Variants in UBN1 observed in about 807,000 individuals in gnomAD.
UBN1 encodes the protein ubinuclein-1.
In UBN1, 17 loss-of-function variants were observed where a neutral mutation model predicts 108.5. The ratio of observed to expected loss-of-function variants is 0.16; its 90% confidence interval spans 0.11 to 0.24. The LOEUF is 0.24. Among genes scored for constraint, UBN1 ranks in the 10% least tolerant of loss-of-function variants. UBN1 has a pLI of 1.00. For synonymous variants in UBN1, 726 were observed against 564.2 expected, an observed-to-expected ratio of 1.29 and a Z score of -4.07; for missense variants, 1,595 against 1,394.4, an observed-to-expected ratio of 1.14 and a Z score of -2.29.
Position 4,858,607 on chromosome 16 carries a change from A to G in UBN1, c.376A>G (p.Ile126Val). ...KRRKDRIQDL[I>V]DMGYGYDESD... ...TAGAAAAGACCGAATACAGGACTTG[A>G]TCGATATGGGGTATGGTTATGATGA... The change falls in exon 4 of 18, where the codon ATC (isoleucine) becomes GTC (valine). Residue 126 changes from isoleucine to valine, a missense_variant. Ile to Val is a conservative substitution (Grantham distance 29). Around this residue, in one of 3 missense-constraint regions of UBN1, gnomAD observed 181 missense variants for 157.3 expected, o/e 1.15. Transcript: ENST00000262376. 6.2e-7 allele frequency: 1 copy of G among 1,614,212 alleles called. No individual in the cohort carries two copies. The highest frequency in any genetic ancestry group is 8.5e-7 in the Non-Finnish European group (1 of 1,180,028).
chr16:4,870,363 C>T, intron 9 of UBN1, 22 bp downstream of exon 9: 1 of 1,613,424 alleles, frequency 6.2e-7, no homozygotes, highest in Non-Finnish European at 8.5e-7. Flanking sequence ...TAGAGTGAAG[C>T]CCTTTGGCTT....
At chr16:4,869,047 G>A (rs2087477923) in intron 8 of UBN1, 144 bp downstream of exon 8, 1 of 770,282 alleles carries the variant, frequency 1.3e-6, no homozygotes, top group Non-Finnish European at 2.0e-6. Context: ...GATTAACATG[G>A]TTTCATTGTT....
chr16:4,848,701 G>T (rs1359653736), intron 1 of UBN1, among the ~76,000 whole-genome samples: 1 of 152,214 alleles, frequency 6.6e-6, no homozygotes, highest in South Asian at 2.1e-4. Context: ...TCTTTAAAGC[G>T]TATTTAAGAT....
chr16:4,878,919 G>A (rs1031335226), intron 17 of UBN1, among the ~76,000 whole-genome samples: 1 of 152,174 alleles, frequency 6.6e-6, no homozygotes, highest in African/African-American at 2.4e-5. Context: ...AGCTGAGGCA[G>A]AAGGATCACT....
intron 7 of UBN1, among the ~76,000 whole-genome samples, chr16:4,862,247 G>C (rs1398405987): frequency 6.6e-6 from 1 of 152,170 alleles, no homozygotes; most frequent in Non-Finnish European, 1.5e-5. Context: ...TTTTAGGGCA[G>C]GGTAAATTGT....
At chr16:4,868,979 A>G in intron 8 of UBN1, 76 bp downstream of exon 8, 2 of 1,499,410 alleles carry the variant, frequency 1.3e-6, no homozygotes, top group African/African-American at 1.4e-5. Context: ...GCTAGGGGAC[A>G]GTGGGAGTAC....
chr16:4,877,439 C>T lies in UBN1; in HGVS notation c.3320C>T (p.Ala1107Val), dbSNP rs765243720. The change falls in exon 17 of 18, where the codon GCT becomes GTT. Residue 1107 changes from alanine (A) to valine (V), a missense_variant. By Grantham distance (64) the Ala-to-Val change is moderately conservative (BLOSUM62 0). Coordinates refer to ENST00000262376, the MANE Select transcript of UBN1 (RefSeq NM_001079514.3). This position sits in a 1 kb window ranked among gnomAD's most constrained non-coding sequence, Gnocchi z 4.3. ...CCCCATGCAGCGCCTCTCCCACACG[C>T]TGCGGTGCCCACCCATATCCCGCAG... is the stretch of plus-strand genomic sequence containing the variant. ...SPPHAAPLPH[A>V]AVPTHIPQSL... 6.2e-7 allele frequency: 1 copy of T among 1,612,290 alleles called. No individual in the cohort carries two copies. The highest frequency in any genetic ancestry group is 8.5e-7 in the Non-Finnish European group (1 of 1,179,762).
rs570264677 is a variant in UBN1, at chr16:4,867,062, G to A, written c.1111-1771G>A. Among the ~76,000 whole-genome samples the A allele has an allele frequency of 1.4e-4, 22 of 152,362 alleles. No homozygotes were observed. The South Asian group carries it at 4.6e-3, about 32-fold the overall frequency. ...AGGGAGCAGAGCTGAAGATGGGCGA[G>A]TTGGTGGATGGCTGGGCCAGATCGT... On this transcript the variant is annotated intron_variant, in intron 7 of 17. Transcript: ENST00000262376.
rs2087774756 is a variant in UBN1, at chr16:4,874,263, G to T, written c.1853G>T (p.Gly618Val). Residue 618 changes from glycine (G) to valine (V), a missense_variant, in exon 15 of 18, where the codon GGT (glycine) becomes GTT (valine). Gly to Val is a moderately radical substitution (Grantham distance 109, BLOSUM62 -3). Coordinates refer to ENST00000262376, the MANE Select transcript of UBN1 (RefSeq NM_001079514.3). Reference sequence around the variant, plus strand: ...GTTTCTGTCCCATCAGGACAGATTGGTGGCCCCATTGCTTTGCCCTCAGAT... The same window carrying T: ...GTTTCTGTCCCATCAGGACAGATTGTTGGCCCCATTGCTTTGCCCTCAGAT... Reference protein sequence around the residue: ...KKVSVPSGQIGGPIALPSDHQ... With the variant: ...KKVSVPSGQIVGPIALPSDHQ... The T allele has an allele frequency of 6.2e-7, 1 of 1,610,182 alleles. No homozygotes were observed. Among genetic ancestry groups the T allele is most frequent in the Non-Finnish European group, 8.5e-7 (1 of 1,177,648 alleles).
intron 7 of UBN1, among the ~76,000 whole-genome samples, chr16:4,863,285 G>A (rs966857259): frequency 6.6e-6 from 1 of 152,098 alleles, no homozygotes; most frequent in African/African-American, 2.4e-5. Flanking sequence ...TACTCCGAAG[G>A]GTCCTCAGGT....
In UBN1 at chr16:4,853,085, C is replaced by T; in HGVS notation, c.168C>T (p.His56=). The change falls in exon 2 of 18, where the codon CAC becomes CAT. Residue 56 remains histidine (H), a synonymous_variant. Coordinates refer to ENST00000262376, the MANE Select transcript of UBN1 (RefSeq NM_001079514.3). The stretch of plus-strand genomic sequence containing the variant: ...CACTCACCCTCTTTGAACCAGATCA[C>T]AAACGCTGCCCAGAGTTCTTCTACC... ...RITLTLFEPD[H]KRCPEFFYPE... 6.2e-7 allele frequency: 1 copy of T among 1,614,242 alleles called. No homozygotes were observed. Among genetic ancestry groups the T allele is most frequent in the Non-Finnish European group, 8.5e-7 (1 of 1,180,050 alleles).
rs145766692 is a variant in UBN1 at position 4,870,606 on chromosome 16, C to A, written c.1402C>A (p.Gln468Lys). 1 of 1,614,090 alleles carries A rather than the reference C, an allele frequency of 6.2e-7. No homozygotes were observed. The highest frequency in any genetic ancestry group is 1.3e-5 in the African/African-American group (1 of 74,936). ...EQMAKYQDECQAHTQAKVAKM... is the reference protein window; with the variant it reads ...EQMAKYQDECKAHTQAKVAKM... ...GATGGCCAAGTACCAGGACGAATGC[C>A]AGGCACACACGCAGGCAAAGGTTGC... The change falls in exon 10 of 18, where the codon CAG becomes AAG. Residue 468 changes from glutamine to lysine, a missense_variant. This residue lies in a region of UBN1 where 1,398 missense variants were observed against 1,194.7 expected (regional missense o/e 1.17). Transcript: ENST00000262376.
intron 2 of UBN1, among the ~76,000 whole-genome samples, chr16:4,857,207 A>G (rs764348293): frequency 3.0e-4 from 45 of 151,830 alleles, no homozygotes; most frequent in Non-Finnish European, 2.2e-4. Context: ...AAATTTAGCT[A>G]GGCATAGTGT....
chr16:4,858,720 T>TA (rs2086918532), intron 4 of UBN1, 57 bp downstream of exon 4: 1 of 1,550,010 alleles, frequency 6.5e-7, no homozygotes, highest in South Asian at 1.1e-5. Context: ...CTCCTCCTGA[T>TA]ACTGACCAGG....
rs1567955630 is a variant in UBN1 at position 4,875,066 on chromosome 16, C to G, written c.2656C>G (p.Pro886Ala). 1 of 1,614,012 alleles carries G rather than the reference C, an allele frequency of 6.2e-7. No individual in the cohort carries two copies. ...PASSSSALSH[P>A]AKPHSVSSAG... is the part of the protein sequence containing the mutation. ...CTCGTCCTCTTCTGCCCTGAGCCAT[C>G]CAGCAAAGCCACATTCAGTCAGCTC... Residue 886 changes from proline to alanine, a missense_variant, in exon 15 of 18, where the codon CCA (proline) becomes GCA (alanine). Pro to Ala is a conservative substitution (Grantham distance 27, BLOSUM62 -1). Transcript: ENST00000262376.
intron 7 of UBN1, among the ~76,000 whole-genome samples, chr16:4,865,200 A>G (rs1382354427): frequency 3.3e-5 from 5 of 152,158 alleles, no homozygotes; most frequent in African/African-American, 1.2e-4. Flanking sequence ...TTTTAATTAG[A>G]TTTACTTTAA....
chr16:4,870,565 G>A lies in UBN1; in HGVS notation c.1361G>A (p.Arg454Lys). The A allele has an allele frequency of 1.2e-6, 2 of 1,614,278 alleles. No homozygotes were observed. The highest frequency in any genetic ancestry group is 2.2e-5 in the South Asian group (2 of 91,086). The change falls in exon 10 of 18, where the codon AGG (arginine) becomes AAG (lysine). Residue 454 changes from arginine (R) to lysine (K), a missense_variant. Transcript: ENST00000262376. ...PLQKLKEAIG[R>K]AMPEQMAKYQ... ...CAGAAGCTCAAGGAAGCCATTGGCA[G>A]GGCGATGCCAGAGCAGATGGCCAAG... is the stretch of plus-strand genomic sequence containing the variant.
At chr16:4,853,225 A>C in intron 2 of UBN1, 59 bp downstream of exon 2, 1 of 1,577,266 alleles carries the variant, frequency 6.3e-7, no homozygotes, top group Non-Finnish European at 8.6e-7. Context: ...CAGTGCATGC[A>C]TGTGGGGCTT....
At chr16:4,865,585 T>C (rs1472483828) in intron 7 of UBN1, among the ~76,000 whole-genome samples, 7 of 151,888 alleles carry the variant, frequency 4.6e-5, no homozygotes, top group Admixed American at 3.3e-4. Flanking sequence ...GCGGGAGGAT[T>C]ATTTGAGCCT....
Sources: gnomAD v4.1 joint callset for allele counts (sites outside exome capture counted in the v4.1 genomes callset) on GRCh38, gnomAD v4.1.1 for gene constraint, gnomAD v4.1.1 regional missense constraint, Gnocchi (gnomAD v3.1) non-coding constraint, MANE v1.5 for transcripts, NCBI Gene and HGNC (gene_info 2026-07-23, HGNC 2026-07-21) for gene names.